The following MTHFD2L variants were observed in gnomAD, a reference collection of about 807,000 sequenced individuals.
The protein encoded by MTHFD2L is bifunctional methylenetetrahydrofolate dehydrogenase/cyclohydrolase 2, mitochondrial.
A neutral mutation model predicts 34.9 loss-of-function variants in MTHFD2L; 29 were observed. The observed-to-expected ratio is 0.83, with a 90% confidence interval of 0.62 to 1.13. The LOEUF (loss-of-function observed/expected upper bound fraction) is 1.13. Among genes scored for constraint, MTHFD2L ranks in the 50% most tolerant of loss-of-function variants. The pLI is 0.00. For synonymous variants in MTHFD2L, 167 were observed against 155.7 expected, an observed-to-expected ratio of 1.07 and a Z score of -0.54; for missense variants, 481 against 446.5, an observed-to-expected ratio of 1.08 and a Z score of -0.70.
intron 6 of MTHFD2L, among the ~76,000 whole-genome samples, chr4:74,258,109 G>A (rs915380986): frequency 6.6e-6 from 1 of 152,004 alleles, no homozygotes; most frequent in Non-Finnish European, 1.5e-5. Flanking sequence ...GTGGAGAAAA[G>A]AAATCCTTGT....
chr4:74,191,636 C>CG (rs1732537398), intron 3 of MTHFD2L, among the ~76,000 whole-genome samples: 2 of 152,020 alleles, frequency 1.3e-5, no homozygotes, highest in Admixed American at 1.3e-4. Context: ...CTGCAACCTT[C>CG]GCTTCCCGGG....
At chr4:74,159,891 A>G (rs964968183) in intron 1 of MTHFD2L, among the ~76,000 whole-genome samples, 34 of 152,260 alleles carry the variant, frequency 2.2e-4, no homozygotes, top group African/African-American at 7.2e-4. Context: ...GCACTAGGCA[A>G]GTTAAGATAA....
intron 6 of MTHFD2L, among the ~76,000 whole-genome samples, chr4:74,253,697 C>T (rs1560533522): frequency 6.6e-6 from 1 of 152,142 alleles, no homozygotes; most frequent in Non-Finnish European, 1.5e-5. Flanking sequence ...ATAACCCAGG[C>T]TTGCTCATGC....
intron 1 of MTHFD2L, among the ~76,000 whole-genome samples, chr4:74,151,474 T>G (rs535639417): frequency 2.9e-4 from 44 of 152,314 alleles, no homozygotes; most frequent in African/African-American, 1.0e-3. Flanking sequence ...GTTAGAAGTG[T>G]GGGCACTGGT....
chr4:74,283,523 C>T (rs1439510027), intron 7 of MTHFD2L, among the ~76,000 whole-genome samples: 1 of 151,992 alleles, frequency 6.6e-6, no homozygotes, highest in Non-Finnish European at 1.5e-5. Flanking sequence ...GCCTGTTGCC[C>T]TATAGTTTTG....
intron 1 of MTHFD2L, among the ~76,000 whole-genome samples, chr4:74,170,612 ACTGTTC>A (rs1727713387): frequency 1.3e-5 from 2 of 152,128 alleles, no homozygotes; most frequent in African/African-American, 4.8e-5. Flanking sequence ...AAAATTAAGA[ACTGTTC>A]TAAAAACATG....
At chr4:74,131,179 C>T (rs1235816264) in intron 1 of MTHFD2L, among the ~76,000 whole-genome samples, 1 of 152,142 alleles carries the variant, frequency 6.6e-6, no homozygotes, top group African/African-American at 2.4e-5. Context: ...TTTATAGATT[C>T]AATGCTATCC....
At chr4:74,201,663 G>T (rs1734461765) in intron 5 of MTHFD2L, among the ~76,000 whole-genome samples, 1 of 150,466 alleles carries the variant, frequency 6.6e-6, no homozygotes, top group African/African-American at 2.5e-5. Context: ...AGATTCACAT[G>T]CCCTCAGGAA....
intron 1 of MTHFD2L, among the ~76,000 whole-genome samples, chr4:74,151,681 A>G (rs1336988452): frequency 6.6e-6 from 1 of 152,208 alleles, no homozygotes; most frequent in Non-Finnish European, 1.5e-5. Flanking sequence ...ATTATATTAA[A>G]TCTTCCCCCA....
chr4:74,154,313 T>C (rs1278900936), upstream of MTHFD2L, among the ~76,000 whole-genome samples: 4 of 152,120 alleles, frequency 2.6e-5, no homozygotes, highest in African/African-American at 9.6e-5. Context: ...GTTACTCTCT[T>C]TTCCCATTTT....
At chr4:74,248,978 C>T (rs1742905929) in intron 6 of MTHFD2L, among the ~76,000 whole-genome samples, 1 of 151,996 alleles carries the variant, frequency 6.6e-6, no homozygotes, top group African/African-American at 2.4e-5. Flanking sequence ...GTGGAGAGTT[C>T]TGTAGATGTG....
At chr4:74,246,453 C>G (rs1208190763) in intron 6 of MTHFD2L, among the ~76,000 whole-genome samples, 5 of 151,852 alleles carry the variant, frequency 3.3e-5, no homozygotes, top group African/African-American at 1.2e-4. Context: ...ATGGTAGTTT[C>G]TTTTGCTGTG....
intron 7 of MTHFD2L, among the ~76,000 whole-genome samples, chr4:74,296,646 G>A (rs1052314072): frequency 3.9e-5 from 6 of 151,918 alleles, no homozygotes; most frequent in Admixed American, 1.3e-4. Context: ...TCTCCATTCC[G>A]TTTATATGTA....
upstream of MTHFD2L, among the ~76,000 whole-genome samples, chr4:74,121,929 A>G (rs1486659721): frequency 6.6e-6 from 1 of 152,032 alleles, no homozygotes; most frequent in Non-Finnish European, 1.5e-5. Context: ...CAAGCCAAGG[A>G]GAGAGTCCTC....
intron 6 of MTHFD2L, among the ~76,000 whole-genome samples, chr4:74,253,181 T>A (rs1743550626): frequency 6.6e-6 from 1 of 152,152 alleles, no homozygotes; most frequent in African/African-American, 2.4e-5. Context: ...TCTGATTTCC[T>A]TTACAATGAT....
intron 6 of MTHFD2L, among the ~76,000 whole-genome samples, chr4:74,227,167 C>T (rs1408443122): frequency 6.6e-6 from 1 of 152,156 alleles, no homozygotes; most frequent in Non-Finnish European, 1.5e-5. Flanking sequence ...AATGTCAAGT[C>T]ATGGTGTTTC....
intron 7 of MTHFD2L, among the ~76,000 whole-genome samples, chr4:74,295,626 T>C (rs1749537052): frequency 1.3e-5 from 2 of 152,194 alleles, no homozygotes; most frequent in South Asian, 2.1e-4. Context: ...TTAAAAATAC[T>C]TTAATCATTT....
At chr4:74,301,637 AT>A in intron 7 of MTHFD2L, 59 bp from the exon 8 acceptor site, 1 of 1,053,782 alleles carries the variant, frequency 9.5e-7, no homozygotes, top group Non-Finnish European at 1.4e-6. Flanking sequence ...ATGTTTAAAA[AT>A]ATTAAAATCT....
intron 6 of MTHFD2L, among the ~76,000 whole-genome samples, chr4:74,258,322 C>G (rs1219344685): frequency 1.3e-5 from 2 of 152,004 alleles, no homozygotes; most frequent in Admixed American, 1.3e-4. Context: ...GATATGGAAT[C>G]AACTTAGGCA....
Sources: allele counts gnomAD v4.1 joint callset (sites outside exome capture counted in the v4.1 genomes callset), GRCh38; gene constraint gnomAD v4.1.1; transcripts MANE v1.5; gene names NCBI Gene and HGNC (gene_info 2026-07-23, HGNC 2026-07-21).